Variants in LOC128706665 observed in about 807,000 individuals in gnomAD.
At chr20:10,425,099 C>T in the LOC128706665 span, among the ~76,000 whole-genome samples, 2 of 151,206 alleles carry the variant, frequency 1.3e-5, no homozygotes, top group African/African-American at 2.4e-5. Context: ...CTGTTCTTTT[C>T]TAATAAATAT....
chr20:10,415,042 A>T, the LOC128706665 span, among the ~76,000 whole-genome samples: 1 of 152,230 alleles, frequency 6.6e-6, no homozygotes, highest in Admixed American at 6.5e-5. Flanking sequence ...AATGTTATAT[A>T]TCAAAAGGAC....
At chr20:10,430,704 C>T in the LOC128706665 span, among the ~76,000 whole-genome samples, 1 of 152,132 alleles carries the variant, frequency 6.6e-6, no homozygotes, top group African/African-American at 2.4e-5. Context: ...TATTATAGGA[C>T]AGATAACTGT....
the LOC128706665 span, among the ~76,000 whole-genome samples, chr20:10,426,562 A>G: frequency 6.6e-6 from 1 of 152,074 alleles, no homozygotes; most frequent in Non-Finnish European, 1.5e-5. Context: ...ACCATGCCCG[A>G]CTAATTTTTG....
the LOC128706665 span, among the ~76,000 whole-genome samples, chr20:10,415,726 A>G: frequency 6.6e-6 from 1 of 152,230 alleles, no homozygotes; most frequent in East Asian, 1.9e-4. Context: ...TGATTAAGAA[A>G]ATCGTTTTTC....
At chr20:10,423,511 G>A in the LOC128706665 span, among the ~76,000 whole-genome samples, 19 of 152,250 alleles carry the variant, frequency 1.2e-4, no homozygotes, top group East Asian at 3.7e-3. Flanking sequence ...CTAAAATTAG[G>A]AACAAATTAA....
the LOC128706665 span, among the ~76,000 whole-genome samples, chr20:10,429,720 A>G: frequency 2.6e-5 from 4 of 152,178 alleles, no homozygotes; most frequent in Non-Finnish European, 5.9e-5. Flanking sequence ...GTTTCTTTAC[A>G]TAATCCCTCC....
chr20:10,429,658 T>A, the LOC128706665 span, among the ~76,000 whole-genome samples: 1 of 152,194 alleles, frequency 6.6e-6, no homozygotes, highest in African/African-American at 2.4e-5. Flanking sequence ...TCTGCCCTTT[T>A]CCTCATGCTC....
the LOC128706665 span, among the ~76,000 whole-genome samples, chr20:10,427,891 T>G: frequency 2.0e-5 from 3 of 152,304 alleles, no homozygotes; most frequent in Admixed American, 1.3e-4. Context: ...CCATTCAAGG[T>G]CAGCTTGACC....
At chr20:10,415,288 A>G in the LOC128706665 span, among the ~76,000 whole-genome samples, 21,935 of 152,176 alleles carry the variant, frequency 0.14, 1,777 homozygotes, top group East Asian at 0.24. Flanking sequence ...AAATGAAACA[A>G]ATCTATTTAG....
At chr20:10,417,608 C>T in the LOC128706665 span, among the ~76,000 whole-genome samples, 1 of 151,880 alleles carries the variant, frequency 6.6e-6, no homozygotes, top group Non-Finnish European at 1.5e-5. Context: ...AGGCCTGTGC[C>T]CAAGAGTTTG....
the LOC128706665 span, among the ~76,000 whole-genome samples, chr20:10,427,063 C>CACACACACACACACAA: frequency 4.1e-5 from 6 of 145,394 alleles, no homozygotes; most frequent in African/African-American, 1.5e-4. Context: ...CACACACACA[C>CACACACACACACACAA]ACACACACAC....
chr20:10,429,390 G>A, the LOC128706665 span, among the ~76,000 whole-genome samples: 48 of 152,172 alleles, frequency 3.2e-4, no homozygotes, highest in African/African-American at 1.0e-3. Context: ...TTTCCTGGGC[G>A]GTCTCATTCA....
At chr20:10,419,936 A>G in the LOC128706665 span, among the ~76,000 whole-genome samples, 1 of 152,218 alleles carries the variant, frequency 6.6e-6, no homozygotes, top group Admixed American at 6.5e-5. Context: ...GGATAAAGGG[A>G]GACAACTGCA....
chr20:10,420,380 T>C, the LOC128706665 span: 1 of 152,180 alleles, frequency 6.6e-6, no homozygotes, highest in Non-Finnish European at 1.5e-5. Context: ...TAGAAACAAC[T>C]GCAGAATAGT....
chr20:10,421,110 C>CT, the LOC128706665 span, among the ~76,000 whole-genome samples: 21,704 of 151,972 alleles, frequency 0.14, 1,736 homozygotes, highest in East Asian at 0.24. Context: ...GAGTAAGAGC[C>CT]TTTTTTTAAA....
chr20:10,420,200 A>C, the LOC128706665 span, among the ~76,000 whole-genome samples: 1 of 152,186 alleles, frequency 6.6e-6, no homozygotes, highest in Non-Finnish European at 1.5e-5. Context: ...CTAATAGAAG[A>C]AAATAATCTT....
At chr20:10,416,932 CTATAT>C in the LOC128706665 span, among the ~76,000 whole-genome samples, 1 of 152,118 alleles carries the variant, frequency 6.6e-6, no homozygotes, top group South Asian at 2.1e-4. Flanking sequence ...GGTATAGACA[CTATAT>C]GATCTGCAAA....
At chr20:10,422,221 G>C in the LOC128706665 span, among the ~76,000 whole-genome samples, 1 of 151,988 alleles carries the variant, frequency 6.6e-6, no homozygotes, top group Non-Finnish European at 1.5e-5. Flanking sequence ...TAAGGACTTT[G>C]TGGCAAAATT....
At chr20:10,428,915 A>C in the LOC128706665 span, among the ~76,000 whole-genome samples, 14 of 152,184 alleles carry the variant, frequency 9.2e-5, no homozygotes, top group Non-Finnish European at 1.9e-4. Context: ...CCTGTGTTCC[A>C]GTCCCACTTT....
Sources: allele counts gnomAD v4.1 joint callset (sites outside exome capture counted in the v4.1 genomes callset), GRCh38; gene constraint gnomAD v4.1.1; transcripts MANE v1.5.